WWOX: variants seen among roughly 807,000 people sequenced by gnomAD.
WWOX encodes WW domain-containing oxidoreductase.
WWOX carries 69 observed loss-of-function variants against 46.2 expected under a neutral mutation model. The ratio of observed to expected loss-of-function variants is 1.49; its 90% CI spans 1.23 to 1.82. The LOEUF (loss-of-function observed/expected upper bound fraction) is 1.82, where lower values mean the gene tolerates loss of function less well. Ranked by LOEUF, WWOX falls within the 40% of genes most tolerant of loss-of-function variation. The probability of loss-of-function intolerance (pLI) is 0.00; values close to 1 mark genes in which losing one functional copy is unlikely to be tolerated. For missense variants in WWOX, 919 were observed against 542.6 expected (o/e 1.69, Z -6.89); for synonymous variants, 359 against 202.6 (o/e 1.77, Z -6.56).
At chr16:78,803,077 A>T (rs1267301454) in intron 8 of WWOX, among the ~76,000 whole-genome samples, 1 of 151,674 alleles carries the variant, frequency 6.6e-6, no homozygotes, top group Non-Finnish European at 1.5e-5. Flanking sequence ...CTTTATTTTT[A>T]AAAAATGTCT....
At chr16:78,582,612 C>T (rs1264345953) in intron 8 of WWOX, among the ~76,000 whole-genome samples, 3 of 152,120 alleles carry the variant, frequency 2.0e-5, no homozygotes, top group Non-Finnish European at 4.4e-5. Context: ...TGTCATCAGT[C>T]TATTGGTGGT....
intron 8 of WWOX, among the ~76,000 whole-genome samples, chr16:78,688,452 C>G (rs2047911653): frequency 6.6e-6 from 1 of 151,730 alleles, no homozygotes; most frequent in Non-Finnish European, 1.5e-5. Flanking sequence ...TCTATTTTTC[C>G]TCTCTCTATT....
chr16:79,084,850 C>T (rs1270006654), intron 8 of WWOX, among the ~76,000 whole-genome samples: 2 of 152,182 alleles, frequency 1.3e-5, no homozygotes, highest in African/African-American at 2.4e-5. Flanking sequence ...CTGATTCAAC[C>T]TTTCATTTGT....
intron 6 of WWOX, among the ~76,000 whole-genome samples, chr16:78,395,446 A>G (rs891803817): frequency 1.3e-5 from 2 of 152,190 alleles, no homozygotes; most frequent in Non-Finnish European, 2.9e-5. Flanking sequence ...TTGAGCCAGC[A>G]TGGTGGAGGC....
intron 8 of WWOX, among the ~76,000 whole-genome samples, chr16:79,104,687 C>T (rs2049272002): frequency 2.0e-5 from 3 of 152,284 alleles, no homozygotes; most frequent in South Asian, 2.1e-4. Flanking sequence ...GTGTAATCCC[C>T]GTTCCTCTGT....
intron 8 of WWOX, among the ~76,000 whole-genome samples, chr16:78,864,922 C>T (rs1316169548): frequency 2.0e-5 from 3 of 151,744 alleles, no homozygotes; most frequent in Non-Finnish European, 4.4e-5. Context: ...ACCACCACAC[C>T]TGGCTAATTT....
At chr16:78,682,751 T>A (rs764502623) in intron 8 of WWOX, among the ~76,000 whole-genome samples, 1 of 152,166 alleles carries the variant, frequency 6.6e-6, no homozygotes, top group Non-Finnish European at 1.5e-5. Context: ...AAGAAAGGTA[T>A]TTCTCCCCTT....
chr16:78,730,500 G>A (rs1161377722), intron 8 of WWOX, among the ~76,000 whole-genome samples: 1 of 151,956 alleles, frequency 6.6e-6, no homozygotes, highest in Non-Finnish European at 1.5e-5. Flanking sequence ...TGCTCAGGCT[G>A]GAGTGCGATG....
At chr16:78,919,952 C>G (rs1005102454) in intron 8 of WWOX, among the ~76,000 whole-genome samples, 4 of 152,252 alleles carry the variant, frequency 2.6e-5, no homozygotes, top group African/African-American at 9.6e-5. Context: ...TAATAGACTA[C>G]CAAACACGTA....
Position 78,754,958 on chromosome 16 carries a change from C to G in WWOX, c.1056+322206C>G, listed in dbSNP as rs1421302001. Among the ~76,000 whole-genome samples the G allele has an allele frequency of 2.7e-5, 4 of 145,680 alleles. 1 individual carries two copies. In the Admixed American group the frequency reaches 2.9e-4, roughly 10 times the overall value. ...AGAATGCTGTCCACAAAGAGCCAGCCATTTATACTATTAAAAGAATACACA... is the reference window on the plus strand; with the variant it reads ...AGAATGCTGTCCACAAAGAGCCAGCGATTTATACTATTAAAAGAATACACA... On this transcript the variant is annotated intron_variant, in intron 8 of 8. Coordinates refer to ENST00000566780, the MANE Select transcript of WWOX (RefSeq NM_016373.4).
intron 8 of WWOX, among the ~76,000 whole-genome samples, chr16:79,124,939 C>G (rs1235758697): frequency 6.6e-6 from 1 of 152,120 alleles, no homozygotes; most frequent in Non-Finnish European, 1.5e-5. Context: ...GCTGAAGAAC[C>G]AAGCTCTGAG....
intron 8 of WWOX, among the ~76,000 whole-genome samples, chr16:78,635,879 T>C (rs1042053650): frequency 6.6e-6 from 1 of 152,110 alleles, no homozygotes; most frequent in Admixed American, 6.6e-5. Flanking sequence ...GGGAAAAAGA[T>C]GCTTTGGAAA....
At chr16:79,111,836 C>T (rs1043701692) in intron 8 of WWOX, among the ~76,000 whole-genome samples, 3 of 152,120 alleles carry the variant, frequency 2.0e-5, no homozygotes, top group Admixed American at 6.5e-5. Context: ...TCCACTGGGC[C>T]TGGCAGGGGA....
At chr16:78,731,687 T>C (rs967851799) in intron 8 of WWOX, among the ~76,000 whole-genome samples, 1 of 152,092 alleles carries the variant, frequency 6.6e-6, no homozygotes, top group African/African-American at 2.4e-5. Context: ...ATCGTCATGA[T>C]CATTATTGAC....
chr16:78,155,640 C>T (rs956224142), intron 4 of WWOX, among the ~76,000 whole-genome samples: 1 of 152,164 alleles, frequency 6.6e-6, no homozygotes, highest in African/African-American at 2.4e-5. Context: ...ACACTCTTGC[C>T]ATCTCCATGC....
intron 8 of WWOX, among the ~76,000 whole-genome samples, chr16:79,186,826 A>G (rs2051025403): frequency 6.6e-6 from 1 of 152,070 alleles, no homozygotes; most frequent in African/African-American, 2.4e-5. Flanking sequence ...AGCTTAGTCC[A>G]CATTTCTCAC....
intron 5 of WWOX, among the ~76,000 whole-genome samples, chr16:78,182,339 C>G (rs1422671212): frequency 6.6e-6 from 1 of 152,236 alleles, no homozygotes; most frequent in East Asian, 1.9e-4. Flanking sequence ...GCCTACCTGT[C>G]TAGGCTCCTG....
chr16:78,387,478 A>T (rs1364600855), intron 6 of WWOX, among the ~76,000 whole-genome samples: 2 of 152,122 alleles, frequency 1.3e-5, no homozygotes, highest in Non-Finnish European at 2.9e-5. Context: ...GTCTTTCAAA[A>T]TTCCAGTTGG....
chr16:78,927,440 T>C (rs2045524358), intron 8 of WWOX, among the ~76,000 whole-genome samples: 1 of 152,212 alleles, frequency 6.6e-6, no homozygotes, highest in African/African-American at 2.4e-5. Context: ...CATGTTTGTT[T>C]GTAAATTCTC....
Sources: allele counts gnomAD v4.1 joint callset (sites outside exome capture counted in the v4.1 genomes callset), GRCh38; gene constraint gnomAD v4.1.1; transcripts MANE v1.5; gene names NCBI Gene and HGNC (gene_info 2026-07-23, HGNC 2026-07-21).